Variants in PAPPA2 observed in about 807,000 individuals in gnomAD.
PAPPA2 encodes the protein pappalysin-2.
In PAPPA2, 86 loss-of-function variants were observed where a neutral mutation model predicts 176.4. The ratio of observed to expected loss-of-function variants is 0.49; its 90% CI spans 0.41 to 0.58. The LOEUF is 0.58. Among genes scored for constraint, PAPPA2 ranks in the 20% least tolerant of loss-of-function variants. PAPPA2 has a pLI of 0.00. For synonymous variants in PAPPA2, 809 were observed against 852.2 expected (o/e 0.95, Z 0.88); for missense variants, 2,073 against 2,256.9 (o/e 0.92, Z 1.65).
intron 3 of PAPPA2, among the ~76,000 whole-genome samples, chr1:176,612,129 C>T (rs1573124987): frequency 6.6e-6 from 1 of 152,100 alleles, no homozygotes; most frequent in Non-Finnish European, 1.5e-5. Flanking sequence ...TGTGGTGGCT[C>T]ATGCCTTTAA....
chr1:176,814,118 CTCTAT>C (rs1457385583), intron 21 of PAPPA2, among the ~76,000 whole-genome samples: 1 of 152,062 alleles, frequency 6.6e-6, no homozygotes, highest in Non-Finnish European at 1.5e-5. Context: ...TTTCTGAGTT[CTCTAT>C]TCTGTTCCAT....
At chr1:176,582,259 G>T (rs1459479203) in intron 2 of PAPPA2, among the ~76,000 whole-genome samples, 1 of 152,050 alleles carries the variant, frequency 6.6e-6, no homozygotes, top group Non-Finnish European at 1.5e-5. Context: ...CACTTCATTT[G>T]CAAATGGACA....
intron 3 of PAPPA2, among the ~76,000 whole-genome samples, chr1:176,650,663 GT>G (rs1478827689): frequency 6.6e-6 from 1 of 151,334 alleles, no homozygotes; most frequent in Non-Finnish European, 1.5e-5. Flanking sequence ...GCGGTGTTTG[GT>G]TTTCTGTATG....
In PAPPA2 at chr1:176,633,729, A is replaced by T. The variant is rs1202433595; in HGVS notation, c.1992-37241A>T. On this transcript the variant is annotated intron_variant, in intron 3 of 22. Coordinates refer to ENST00000367662, the MANE Select transcript of PAPPA2 (RefSeq NM_020318.3). ...AAGGGCTAATATCCAGAATCTACAA[A>T]GAACTCAAATTTACAAGAAAAAAAC... Among the ~76,000 whole-genome samples the T allele has an allele frequency of 4.0e-5, 6 of 151,852 alleles. No individual in the cohort carries two copies. The East Asian group carries it at 5.8e-4, about 15-fold the overall frequency.
intron 9 of PAPPA2, among the ~76,000 whole-genome samples, chr1:176,705,709 CAAA>C (rs1298588054): frequency 2.0e-5 from 3 of 152,126 alleles, no homozygotes; most frequent in African/African-American, 7.2e-5. Context: ...AGGTTGGAAA[CAAA>C]AACATTTTTC....
rs115343821 is a variant in PAPPA2 at position 176,497,735 on chromosome 1, G to A, written c.-917+34317G>A. On this transcript the variant is annotated intron_variant, in intron 1 of 22. Transcript: ENST00000367662. ...TTGAGATGAAGAACAAGTTCTCCAGGTCTCAACAGTCCTCCACTGCCTAGA... is the reference window on the plus strand; with the variant it reads ...TTGAGATGAAGAACAAGTTCTCCAGATCTCAACAGTCCTCCACTGCCTAGA... 4.0e-3 allele frequency among the ~76,000 whole-genome samples: 613 copies of A among 152,228 alleles called. 5 individuals are homozygous for A. Among genetic ancestry groups the A allele is most frequent in the African/African-American group, 0.014 (592 of 41,544 alleles).
intron 3 of PAPPA2, among the ~76,000 whole-genome samples, chr1:176,621,267 A>AT (rs1185245747): frequency 2.0e-5 from 3 of 152,142 alleles, no homozygotes; most frequent in African/African-American, 7.2e-5. Flanking sequence ...TCATTGTTTT[A>AT]TTTTTTTAAT....
At chr1:176,775,073 C>T (rs989004483) in intron 17 of PAPPA2, among the ~76,000 whole-genome samples, 1 of 152,272 alleles carries the variant, frequency 6.6e-6, no homozygotes, top group South Asian at 2.1e-4. Flanking sequence ...CCTACCAGGT[C>T]TCCCTAGACT....
intron 3 of PAPPA2, 26 bp from the exon 4 acceptor site, chr1:176,670,944 A>G: frequency 6.2e-7 from 1 of 1,612,552 alleles, no homozygotes; most frequent in South Asian, 1.1e-5. Context: ...TTGCTGTGAC[A>G]TTTTTTCATC....
intron 21 of PAPPA2, among the ~76,000 whole-genome samples, chr1:176,803,400 G>A (rs995409091): frequency 2.6e-5 from 4 of 152,180 alleles, no homozygotes; most frequent in Non-Finnish European, 4.4e-5. Flanking sequence ...ATTGCTGCTG[G>A]TGTAGCCCCA....
intron 16 of PAPPA2, among the ~76,000 whole-genome samples, chr1:176,770,497 C>G (rs1202560525): frequency 6.6e-6 from 1 of 152,162 alleles, no homozygotes; most frequent in African/African-American, 2.4e-5. Flanking sequence ...ATTTCCTGAT[C>G]TGCATAATAG....
Position 176,711,998 on chromosome 1 carries a change from T to C in PAPPA2, c.3798+17T>C, listed in dbSNP as rs2102836003. ...TGGCTCAAAGTAAGTGGCCCAAATG[T>C]TTCTTTTGTGCATGTGAAAGGTGTA... On this transcript the variant is annotated intron_variant, in intron 12 of 22. Coordinates refer to ENST00000367662, the MANE Select transcript of PAPPA2 (RefSeq NM_020318.3). The C allele has an allele frequency of 6.2e-7, 1 of 1,603,878 alleles. No homozygotes were observed. The highest frequency in any genetic ancestry group is 2.2e-5 in the East Asian group (1 of 44,550).
chr1:176,644,742 A>C (rs1657297727), intron 3 of PAPPA2, among the ~76,000 whole-genome samples: 1 of 151,820 alleles, frequency 6.6e-6, no homozygotes, highest in South Asian at 2.1e-4. Context: ...CTTGGAGAGA[A>C]ATCTAGACTC....
chr1:176,624,408 CAG>C (rs1655891072), intron 3 of PAPPA2, among the ~76,000 whole-genome samples: 1 of 152,268 alleles, frequency 6.6e-6, no homozygotes, highest in Admixed American at 6.5e-5. Flanking sequence ...TCCCAAATAG[CAG>C]AATGCATTAC....
At chr1:176,514,981 G>A (rs10798460) in intron 1 of PAPPA2, among the ~76,000 whole-genome samples, 16,315 of 152,230 alleles carry the variant, frequency 0.11, 917 homozygotes, top group Middle Eastern at 0.19. Context: ...AGATCACAGT[G>A]AATACGTTGG....
At chr1:176,523,013 CT>C (rs575811481) in intron 1 of PAPPA2, among the ~76,000 whole-genome samples, 284 of 152,204 alleles carry the variant, frequency 1.9e-3, no homozygotes, top group African/African-American at 6.4e-3. Context: ...AAGGTTTCCC[CT>C]GATACACCAG....
chr1:176,464,416 G>A (rs73042671), intron 1 of PAPPA2, among the ~76,000 whole-genome samples: 5 of 152,162 alleles, frequency 3.3e-5, no homozygotes, highest in African/African-American at 7.2e-5. Context: ...CATGGGTGTG[G>A]GATCTCTGTA....
intron 12 of PAPPA2, among the ~76,000 whole-genome samples, chr1:176,716,073 T>C (rs1661354465): frequency 6.6e-6 from 1 of 151,524 alleles, no homozygotes; most frequent in African/African-American, 2.4e-5. Flanking sequence ...ATAACACAAA[T>C]ACAATGAGGG....
intron 4 of PAPPA2, among the ~76,000 whole-genome samples, chr1:176,684,048 C>T (rs890057925): frequency 6.6e-6 from 1 of 152,142 alleles, no homozygotes; most frequent in African/African-American, 2.4e-5. Flanking sequence ...TCAATCCATT[C>T]ACCATGCGGG....
Sources: gnomAD v4.1 joint callset for allele counts (sites outside exome capture counted in the v4.1 genomes callset) on GRCh38, gnomAD v4.1.1 for gene constraint, MANE v1.5 for transcripts, NCBI Gene and HGNC (gene_info 2026-07-23, HGNC 2026-07-21) for gene names.